Variants in DOP1A observed in about 807,000 individuals in gnomAD.
DOP1A encodes protein DOP1A.
A neutral mutation model predicts 267.6 loss-of-function variants in DOP1A; 90 were observed. The observed-to-expected ratio is 0.34, with a 90% CI of 0.28 to 0.40. DOP1A has a LOEUF of 0.40. Among genes scored for constraint, DOP1A ranks in the 10% least tolerant of loss-of-function variants. DOP1A has a pLI of 1.00. For synonymous variants in DOP1A, 932 were observed against 999.1 expected (o/e 0.93, Z 1.27); for missense variants, 2,437 against 2,900.4 (o/e 0.84, Z 3.67).
intron 27 of DOP1A, 141 bp downstream of exon 27, chr6:83,149,004 A>T: frequency 2.0e-6 from 1 of 494,214 alleles, no homozygotes; most frequent in East Asian, 3.7e-5. Flanking sequence ...AACTAGATGT[A>T]TAAGGCCTGT....
At chr6:83,149,474 C>T (rs1036081275) in intron 27 of DOP1A, among the ~76,000 whole-genome samples, 13 of 152,052 alleles carry the variant, frequency 8.5e-5, no homozygotes, top group Admixed American at 3.3e-4. Flanking sequence ...TATTCTGGGG[C>T]AAAGTACCTT....
intron 37 of DOP1A, among the ~76,000 whole-genome samples, chr6:83,160,462 A>G (rs926866390): frequency 1.3e-5 from 2 of 152,230 alleles, no homozygotes; most frequent in African/African-American, 2.4e-5. Context: ...GGATTAAACC[A>G]TGTAAGACCT....
At chr6:83,085,280 G>A (rs1299437309) in intron 1 of DOP1A, among the ~76,000 whole-genome samples, 3 of 152,264 alleles carry the variant, frequency 2.0e-5, no homozygotes, top group Admixed American at 6.5e-5. Flanking sequence ...TGGGACTGCC[G>A]ATGCAGGTAT....
chr6:83,123,056 A>T (rs1317213840), intron 12 of DOP1A, 74 bp downstream of exon 12: 9 of 1,464,292 alleles, frequency 6.1e-6, no homozygotes, highest in Non-Finnish European at 7.3e-6. Flanking sequence ...AAGTTGTTAC[A>T]TTTAATGAAT....
chr6:83,168,197 T>TGTA lies in DOP1A; in HGVS notation c.*31_*33dup. 6.3e-7 allele frequency: 1 copy of TGTA among 1,583,108 alleles called. No individual in the cohort carries two copies. The highest frequency in any genetic ancestry group is 8.6e-7 in the Non-Finnish European group (1 of 1,167,602). On this transcript the variant is annotated 3_prime_UTR_variant, in exon 39 of 39. Coordinates refer to ENST00000349129, the MANE Select transcript of DOP1A (RefSeq NM_015018.4). ...CATTGCTGGTTCCATTTAGCTTACA[T>TGTA]GTAAATGTAATTATTTAAAACACAC...
chr6:83,167,944 G>A lies in DOP1A; in HGVS notation c.7175G>A (p.Ser2392Asn). ...CTGCTCACCATCTGCACCGTGCGCA[G>A]TATGGAGCAGCTCCTGCCGTTCTTC... Reference protein sequence around the residue: ...HLLLTICTVRSMEQLLPFFNV... With the variant: ...HLLLTICTVRNMEQLLPFFNV... Residue 2392 changes from serine (S) to asparagine (N), a missense_variant, in exon 39 of 39, where the codon AGT (serine) becomes AAT (asparagine). Transcript: ENST00000349129. 1 of 1,614,172 alleles carries A rather than the reference G, an allele frequency of 6.2e-7. No individual in the cohort carries two copies. Among genetic ancestry groups the A allele is most frequent in the Non-Finnish European group, 8.5e-7 (1 of 1,180,028 alleles).
intron 38 of DOP1A, chr6:83,167,407 G>C: frequency 1.0e-6 from 1 of 981,432 alleles, no homozygotes; most frequent in Non-Finnish European, 1.2e-6. Flanking sequence ...AGGCCATTTA[G>C]ATAAAAGGGA....
Position 83,138,159 on chromosome 6 carries a change from C to T in DOP1A, c.4117C>T (p.Leu1373Phe), listed in dbSNP as rs1274915608. Residue 1373 changes from leucine (L) to phenylalanine (F), a missense_variant, in exon 21 of 39, where the codon CTC becomes TTC. Coordinates refer to ENST00000349129, the MANE Select transcript of DOP1A (RefSeq NM_015018.4). ...HPLYQHVLLY[L>F]QLYDSSRTLY... ...TCTCTATCAACATGTGCTCCTGTAT[C>T]TCCAGTTGTATGATTCATCCAGGAC... 1 of 1,613,944 alleles carries T rather than the reference C, an allele frequency of 6.2e-7. No individual in the cohort carries two copies. Among genetic ancestry groups the T allele is most frequent in the Admixed American group, 1.7e-5 (1 of 59,996 alleles).
At chr6:83,115,640 C>T (rs1328078674) in intron 7 of DOP1A, among the ~76,000 whole-genome samples, 3 of 152,100 alleles carry the variant, frequency 2.0e-5, no homozygotes, top group African/African-American at 2.4e-5. Flanking sequence ...AGGAGAATGG[C>T]GTGAACCCGG....
chr6:83,072,782 A>G (rs1785834028), intron 1 of DOP1A, among the ~76,000 whole-genome samples: 2 of 152,204 alleles, frequency 1.3e-5, no homozygotes, highest in Admixed American at 1.3e-4. Context: ...AATATGTGTT[A>G]TTTTTATCGA....
chr6:83,166,478 T>G, intron 38 of DOP1A: 1 of 698,246 alleles, frequency 1.4e-6, no homozygotes, highest in Non-Finnish European at 2.6e-6. Context: ...TATTTTGAAC[T>G]CAGAAAATCG....
chr6:83,160,400 G>A (rs572954134), intron 37 of DOP1A, among the ~76,000 whole-genome samples: 2 of 152,376 alleles, frequency 1.3e-5, no homozygotes, highest in South Asian at 2.1e-4. Flanking sequence ...TACGTCTGAA[G>A]TGTGGAGAGA....
At chr6:83,125,283 G>A in intron 14 of DOP1A, 88 bp downstream of exon 14, 1 of 1,325,584 alleles carries the variant, frequency 7.5e-7, no homozygotes, top group Non-Finnish European at 1.0e-6. Flanking sequence ...TAAAACTGGG[G>A]TTATTTTATA....
At chr6:83,073,912 A>C (rs1786031525) in intron 1 of DOP1A, among the ~76,000 whole-genome samples, 1 of 152,198 alleles carries the variant, frequency 6.6e-6, no homozygotes, top group South Asian at 2.1e-4. Flanking sequence ...AGAGATATCA[A>C]AGTGGGAGCT....
chr6:83,068,074 G>A (rs993816760), intron 1 of DOP1A, among the ~76,000 whole-genome samples: 1 of 152,246 alleles, frequency 6.6e-6, no homozygotes, highest in African/African-American at 2.4e-5. Flanking sequence ...CGGGGCCGGG[G>A]AGCCGGGGAC....
chr6:83,151,918 A>G lies in DOP1A; in HGVS notation c.5940A>G (p.Ala1980=). The G allele has an allele frequency of 6.2e-7, 1 of 1,613,950 alleles. No homozygotes were observed. The highest frequency in any genetic ancestry group is 8.5e-7 in the Non-Finnish European group (1 of 1,179,902). ...VTHKIVDAIG[A]IAGSSLEQTT... ...ACAAAATAGTGGATGCAATTGGTGC[A>G]ATTGCTGGTTCTTCTCTGGAACAGA... Residue 1980 remains alanine (A), a synonymous_variant, in exon 29 of 39, where the codon GCA becomes GCG. Coordinates refer to ENST00000349129, the MANE Select transcript of DOP1A (RefSeq NM_015018.4).
At chr6:83,076,180 T>TTTA (rs1401014402) in intron 1 of DOP1A, among the ~76,000 whole-genome samples, 36 of 152,262 alleles carry the variant, frequency 2.4e-4, no homozygotes, top group Admixed American at 6.5e-4. Context: ...GCCAAGGACT[T>TTTA]AAATAGACAT....
At chr6:83,112,613 C>T (rs938029524) in intron 6 of DOP1A, among the ~76,000 whole-genome samples, 1 of 152,118 alleles carries the variant, frequency 6.6e-6, no homozygotes, top group African/African-American at 2.4e-5. Flanking sequence ...TACAGGCATG[C>T]ACCACCACAC....
In DOP1A at chr6:83,130,271, A is replaced by G; in HGVS notation, c.2490A>G (p.Glu830=). Residue 830 remains glutamate, a synonymous_variant, in exon 17 of 39, where the codon GAA becomes GAG. Transcript: ENST00000349129. The part of the protein sequence containing the change: ...LTQSVAMVTG[E]NINSVEPAQP... The stretch of plus-strand genomic sequence containing the variant: ...AGTCTGTGGCCATGGTCACTGGGGA[A>G]AACATCAACAGTGTAGAGCCTGCAC... 2 of 1,614,090 alleles carry G rather than the reference A, an allele frequency of 1.2e-6. No homozygotes were observed. The highest frequency in any genetic ancestry group is 1.7e-6 in the Non-Finnish European group (2 of 1,179,986).
Sources: gnomAD v4.1 joint callset for allele counts (sites outside exome capture counted in the v4.1 genomes callset) on GRCh38, gnomAD v4.1.1 for gene constraint, MANE v1.5 for transcripts, NCBI Gene and HGNC (gene_info 2026-07-23, HGNC 2026-07-21) for gene names.